The following SENP7 variants were observed in gnomAD, a reference collection of about 807,000 sequenced individuals.
The protein encoded by SENP7 is sentrin-specific protease 7.
SENP7 carries 64 observed loss-of-function variants against 141.2 expected under a neutral mutation model. The observed-to-expected ratio is 0.45, with a 90% CI of 0.37 to 0.56. The LOEUF (loss-of-function observed/expected upper bound fraction) is 0.56. Ranked by LOEUF, SENP7 falls within the 20% of genes least tolerant of loss-of-function variation. The probability of loss-of-function intolerance (pLI) is 0.00; values close to 1 mark genes in which losing one functional copy is unlikely to be tolerated. For missense variants in SENP7, 1,025 were observed against 1,212.2 expected, an observed-to-expected ratio of 0.85 and a Z score of 2.29; for synonymous variants, 382 against 426.4, an observed-to-expected ratio of 0.90 and a Z score of 1.28.
chr3:101,325,668 C>T lies in SENP7; in HGVS notation c.*275G>A, dbSNP rs138965800. On this transcript the variant is annotated 3_prime_UTR_variant, in exon 24 of 24. Transcript: ENST00000394095. ...CATTCCCATATTACATATGCTGTTG[C>T]ATAATCCAATCATATTTACTCAGAA... 34 of 182,664 alleles carry T rather than the reference C, an allele frequency of 1.9e-4. No homozygotes were observed. In the East Asian group the frequency reaches 4.2e-3, roughly 22 times the overall value. The allele number at this position is 182,664 out of a possible 1,614,324, so 11.3% of individuals were successfully genotyped here. A position where few individuals can be genotyped will look rare whatever the true frequency, so the allele number is the denominator to read the frequency against.
chr3:101,488,806 T>C (rs1227401832), intron 3 of SENP7, among the ~76,000 whole-genome samples: 4 of 152,152 alleles, frequency 2.6e-5, no homozygotes, highest in African/African-American at 9.7e-5. Context: ...CGCACCACTG[T>C]ACTCCAGCCT....
rs1337409897 is a variant in SENP7 at position 101,361,724 on chromosome 3, A to G, written c.1614T>C (p.Gly538=). 37 of 1,571,344 alleles carry G rather than the reference A, an allele frequency of 2.4e-5. No homozygotes were observed. The highest frequency in any genetic ancestry group is 3.2e-5 in the Non-Finnish European group (37 of 1,165,844). The change falls in exon 11 of 24, where the codon GGT becomes GGC. Residue 538 remains glycine (G), a synonymous_variant. Coordinates refer to ENST00000394095, the MANE Select transcript of SENP7 (RefSeq NM_020654.5). ...YIGKIKGASK[G]CVTITKKYIK... is the part of the protein sequence containing the mutation. The stretch of plus-strand genomic sequence containing the variant: ...AAGAAAATATACTTACTGTAACACA[A>G]CCTTTAGAAGCTCCTTTTATTTTAC...
At chr3:101,351,009 G>A (rs192914972) in intron 12 of SENP7, among the ~76,000 whole-genome samples, 140 of 151,970 alleles carry the variant, frequency 9.2e-4, no homozygotes, top group Non-Finnish European at 1.6e-3. Context: ...TCCAATCTTG[G>A]AACAGAAGCC....
chr3:101,325,602 ACGTGG>A lies in SENP7; in HGVS notation c.*336_*340del. 1 of 154,402 alleles carries A rather than the reference ACGTGG, an allele frequency of 6.5e-6. No homozygotes were observed. Among genetic ancestry groups the A allele is most frequent in the South Asian group, 2.1e-4 (1 of 4,860 alleles). The allele number at this position is 154,402 out of a possible 1,614,324, so 9.6% of individuals were successfully genotyped here. ...CTTTAACTCCCCTCAGCACCCAGTC[ACGTGG>A]AAGTACAGATCATGTAAGTTTTATT... On this transcript the variant is annotated 3_prime_UTR_variant, in exon 24 of 24. Coordinates refer to ENST00000394095, the MANE Select transcript of SENP7 (RefSeq NM_020654.5).
intron 3 of SENP7, among the ~76,000 whole-genome samples, chr3:101,473,229 T>C (rs1402772423): frequency 6.6e-6 from 1 of 152,250 alleles, no homozygotes; most frequent in African/African-American, 2.4e-5. Flanking sequence ...GAACAATGTA[T>C]ATTCCTTTGG....
intron 3 of SENP7, among the ~76,000 whole-genome samples, chr3:101,481,833 T>C (rs1030692620): frequency 6.6e-6 from 1 of 152,178 alleles, no homozygotes; most frequent in African/African-American, 2.4e-5. Flanking sequence ...TGTTTGCAGA[T>C]GACGTAACTG....
intron 3 of SENP7, among the ~76,000 whole-genome samples, chr3:101,489,831 C>T (rs1319201899): frequency 6.6e-6 from 1 of 152,186 alleles, no homozygotes; most frequent in Non-Finnish European, 1.5e-5. Context: ...ACAGAACACT[C>T]CACCTAACAG....
At chr3:101,329,800 C>T (rs948523286) in intron 20 of SENP7, among the ~76,000 whole-genome samples, 3 of 113,130 alleles carry the variant, frequency 2.7e-5, no homozygotes, top group Non-Finnish European at 5.7e-5. Flanking sequence ...AAAAAAAATA[C>T]AAAAATTAGC....
At chr3:101,396,787 T>C (rs1049562014) in intron 6 of SENP7, among the ~76,000 whole-genome samples, 1 of 152,018 alleles carries the variant, frequency 6.6e-6, no homozygotes, top group African/African-American at 2.4e-5. Flanking sequence ...GCAGAGGAGG[T>C]GGAAATAAAC....
At chr3:101,385,541 C>T (rs1324115054) in intron 6 of SENP7, among the ~76,000 whole-genome samples, 1 of 152,216 alleles carries the variant, frequency 6.6e-6, no homozygotes, top group African/African-American at 2.4e-5. Flanking sequence ...CCCCGTCCAA[C>T]TGCTGAACTC....
chr3:101,472,211 A>G (rs1277296535), intron 3 of SENP7, among the ~76,000 whole-genome samples: 2 of 152,246 alleles, frequency 1.3e-5, no homozygotes, highest in African/African-American at 4.8e-5. Flanking sequence ...ACATATGTTT[A>G]TTGCAGCACT....
At chr3:101,375,649 G>A (rs969262431) in intron 6 of SENP7, among the ~76,000 whole-genome samples, 12 of 151,008 alleles carry the variant, frequency 7.9e-5, no homozygotes, top group African/African-American at 2.9e-4. Flanking sequence ...GCAGGTACAT[G>A]AACAGATTCT....
chr3:101,348,223 C>A (rs7622500), intron 12 of SENP7, among the ~76,000 whole-genome samples, 172 bp from the exon 13 acceptor site: 61,587 of 151,874 alleles, frequency 0.41, 12,936 homozygotes, highest in Admixed American at 0.54. Flanking sequence ...AAAATGCCCC[C>A]AGCAGTATTA....
At chr3:101,333,823 A>T (rs2059116957) in intron 17 of SENP7, among the ~76,000 whole-genome samples, 2 of 152,238 alleles carry the variant, frequency 1.3e-5, no homozygotes, top group African/African-American at 4.8e-5. Flanking sequence ...ATGTGTCATA[A>T]GAGGTACAAA....
intron 6 of SENP7, among the ~76,000 whole-genome samples, chr3:101,376,220 T>C (rs1234051078): frequency 6.6e-6 from 1 of 151,256 alleles, no homozygotes; most frequent in African/African-American, 2.4e-5. Context: ...GGAGTTAGAG[T>C]TTAATAGATA....
intron 6 of SENP7, among the ~76,000 whole-genome samples, chr3:101,393,592 G>C (rs1278370761): frequency 6.6e-6 from 1 of 152,102 alleles, no homozygotes; most frequent in Admixed American, 6.5e-5. Flanking sequence ...ATGAAAAAAT[G>C]CTCAACTTCA....
intron 5 of SENP7, among the ~76,000 whole-genome samples, chr3:101,405,375 A>G (rs993532083): frequency 5.3e-5 from 8 of 152,300 alleles, no homozygotes; most frequent in African/African-American, 1.9e-4. Flanking sequence ...ATCCATAGGA[A>G]AAGGGCGAGA....
chr3:101,363,790 C>CA (rs2107365629), intron 10 of SENP7, among the ~76,000 whole-genome samples: 1 of 152,266 alleles, frequency 6.6e-6, no homozygotes, highest in African/African-American at 2.4e-5. Context: ...TAGATCGGGC[C>CA]AACTCTTCAC....
chr3:101,448,945 T>A (rs911154542), intron 4 of SENP7, among the ~76,000 whole-genome samples: 3 of 151,818 alleles, frequency 2.0e-5, no homozygotes, highest in Non-Finnish European at 4.4e-5. Flanking sequence ...AGGAGGAAGT[T>A]CGAACCCATG....
Sources: gnomAD v4.1 joint callset for allele counts (sites outside exome capture counted in the v4.1 genomes callset) on GRCh38, gnomAD v4.1.1 for gene constraint, MANE v1.5 for transcripts, NCBI Gene and HGNC (gene_info 2026-07-23, HGNC 2026-07-21) for gene names.